MGAM2: variants seen among roughly 807,000 people sequenced by gnomAD.
MGAM2 encodes probable maltase-glucoamylase 2.
A neutral mutation model predicts 96.1 loss-of-function variants in MGAM2; 98 were observed. The observed-to-expected ratio is 1.02, with a 90% CI of 0.87 to 1.21. The LOEUF (loss-of-function observed/expected upper bound fraction) is 1.21. MGAM2 is among the 50% of genes most tolerant of loss of function. The pLI, the probability that MGAM2 is intolerant of heterozygous loss-of-function variation, is 0.00. For missense variants in MGAM2, 2,055 were observed against 1,182.4 expected (o/e 1.74, Z -10.82); for synonymous variants, 749 against 414.8 (o/e 1.81, Z -9.79).
At chr7:142,196,024 C>A in intron 37 of MGAM2, 130 bp from the exon 38 acceptor site, 1 of 653,688 alleles carries the variant, frequency 1.5e-6, no homozygotes. Flanking sequence ...TTTGAGACAG[C>A]AGATTCTTTC....
At chr7:142,121,313 G>A (rs1330465176) in intron 3 of MGAM2, among the ~76,000 whole-genome samples, 1 of 152,088 alleles carries the variant, frequency 6.6e-6, no homozygotes, top group East Asian at 1.9e-4. Flanking sequence ...GAGGAGCTGG[G>A]ATTACAGGCA....
At chr7:142,212,993 C>A (rs887647089) in intron 46 of MGAM2, among the ~76,000 whole-genome samples, 1 of 152,092 alleles carries the variant, frequency 6.6e-6, no homozygotes, top group African/African-American at 2.4e-5. Flanking sequence ...TCTCTCAGAC[C>A]GCAGTGCAAT....
At chr7:142,208,284 A>C (rs1052828431) in intron 45 of MGAM2, 6 of 546,350 alleles carry the variant, frequency 1.1e-5, no homozygotes, top group African/African-American at 1.9e-5. Flanking sequence ...CAGAATAACC[A>C]AACAGTAGTC....
chr7:142,150,518 C>CGGTA (rs1431001494), intron 15 of MGAM2, among the ~76,000 whole-genome samples: 2 of 152,122 alleles, frequency 1.3e-5, no homozygotes, highest in African/African-American at 4.8e-5. Context: ...GTAACCTACC[C>CGGTA]TCTACCCTTT....
chr7:142,114,152 AGG>A (rs1817276698), intron 1 of MGAM2, among the ~76,000 whole-genome samples: 1 of 122,110 alleles, frequency 8.2e-6, no homozygotes, highest in African/African-American at 3.7e-5. Flanking sequence ...GAAAGAAAGA[AGG>A]AAAGAAAGAA....
intron 3 of MGAM2, among the ~76,000 whole-genome samples, chr7:142,126,519 C>A (rs1458215270): frequency 6.6e-6 from 1 of 151,330 alleles, no homozygotes; most frequent in Admixed American, 6.6e-5. Context: ...TCTTAACTAT[C>A]TTTCACAATT....
intron 6 of MGAM2, among the ~76,000 whole-genome samples, chr7:142,132,710 T>G (rs553161854): frequency 4.5e-4 from 57 of 125,954 alleles, no homozygotes; most frequent in Middle Eastern, 0.012. Context: ...ATTAATATAA[T>G]TAATATTAAT....
At position 142,140,953 on chromosome 7, in the gene MGAM2, A is replaced by AC. The variant is rs1394984469; in HGVS notation, c.1218+22dup. On this transcript the variant is annotated intron_variant, in intron 11 of 47. Coordinates refer to ENST00000477922, the MANE Select transcript of MGAM2 (RefSeq NM_001293626.2). ...ATTATGGTATGTTCAAACACTTGTT[A>AC]CCTTATTTTTTCCTTTGTAGTGCAA... 1.4e-6 allele frequency: 1 copy of AC among 698,148 alleles called. No individual in the cohort carries two copies. The highest frequency in any genetic ancestry group is 1.8e-5 in the African/African-American group (1 of 56,920). 43.2% of individuals were successfully genotyped at this position (698,148 alleles called of 1,614,324 possible).
chr7:142,149,694 C>T (rs528348904), intron 15 of MGAM2, among the ~76,000 whole-genome samples: 1 of 152,012 alleles, frequency 6.6e-6, no homozygotes, highest in Non-Finnish European at 1.5e-5. Context: ...GCAGCTGCCA[C>T]CACGCCCGGC....
chr7:142,184,903 C>T (rs1036739863), intron 33 of MGAM2, among the ~76,000 whole-genome samples, 174 bp from the exon 34 acceptor site: 3 of 152,136 alleles, frequency 2.0e-5, no homozygotes, highest in African/African-American at 7.2e-5. Flanking sequence ...TCAAGAGACC[C>T]AGCCTACTTT....
At chr7:142,216,528 C>T (rs1797766643) in intron 46 of MGAM2, among the ~76,000 whole-genome samples, 1 of 152,118 alleles carries the variant, frequency 6.6e-6, no homozygotes, top group African/African-American at 2.4e-5. Flanking sequence ...CTATTATCAG[C>T]GGTTTCCTGG....
At chr7:142,208,856 A>T (rs964415099) in intron 46 of MGAM2, among the ~76,000 whole-genome samples, 5 of 152,214 alleles carry the variant, frequency 3.3e-5, no homozygotes, top group Admixed American at 6.5e-5. Context: ...AATGCTGGGG[A>T]AAAAATGGGG....
Position 142,157,897 on chromosome 7 carries a change from T to G in MGAM2, c.1924-40T>G, listed in dbSNP as rs565975438. 1.0e-3 allele frequency: 725 copies of G among 699,066 alleles called. 1 individual carries two copies. The highest frequency in any genetic ancestry group is 1.6e-3 in the Middle Eastern group (7 of 4,332). The allele number at this position is 699,066 out of a possible 1,614,324, so 43.3% of individuals were successfully genotyped here. A position where few individuals can be genotyped will look rare whatever the true frequency, so the allele number is the denominator to read the frequency against. ...TTGTAAGAGAACTTCTGAACTATGA[T>G]GGAAAGAAATATTCAGCCATTCCTT... On this transcript the variant is annotated intron_variant, in intron 17 of 47. Coordinates refer to ENST00000477922, the MANE Select transcript of MGAM2 (RefSeq NM_001293626.2).
In MGAM2 at chr7:142,131,558, G is replaced by T. The variant is rs1390591223; in HGVS notation, c.351G>T (p.Leu117=). The T allele has an allele frequency of 1.4e-5, 10 of 702,874 alleles. No individual in the cohort carries two copies. The Admixed American group carries it at 2.0e-4, about 14-fold the overall frequency. 43.5% of individuals were successfully genotyped at this position (702,874 alleles called of 1,614,324 possible). Residue 117 remains leucine (L), a synonymous_variant, in exon 5 of 48, where the codon CTG becomes CTT. Transcript: ENST00000477922. ...AQLKRLPSPS[L]FGNDVATTLF... Reference sequence around the variant, plus strand: ...TGAAAAGGTTGCCATCACCATCTCTGTTTGGAAATGATGTCGCCACCACCC... The same window carrying T: ...TGAAAAGGTTGCCATCACCATCTCTTTTTGGAAATGATGTCGCCACCACCC...
intron 45 of MGAM2, chr7:142,208,365 G>A (rs558577410): frequency 1.1e-5 from 7 of 652,352 alleles, no homozygotes; most frequent in African/African-American, 3.5e-5. Flanking sequence ...TGACCTCCCC[G>A]GCAAGGTACC....
rs1031618833 is a variant in MGAM2 at position 142,160,158 on chromosome 7, C to G, written c.2245C>G (p.Gln749Glu). ...ETGVAISWRK[Q>E]LVNMLLPGDK... ...GGGAGTGGCCATCTCATGGAGGAAA[C>G]AGTTGGTGAATATGCTTCTCCCAGG... Residue 749 changes from glutamine (Q) to glutamate (E), a missense_variant, in exon 21 of 48, where the codon CAG becomes GAG. Coordinates refer to ENST00000477922, the MANE Select transcript of MGAM2 (RefSeq NM_001293626.2). 2.8e-6 allele frequency: 2 copies of G among 702,428 alleles called. No homozygotes were observed. The highest frequency in any genetic ancestry group is 1.7e-5 in the African/African-American group (1 of 57,216). 43.5% of individuals were successfully genotyped at this position (702,428 alleles called of 1,614,324 possible). A position where few individuals can be genotyped will look rare whatever the true frequency, so the allele number is the denominator to read the frequency against.
chr7:142,142,612 C>T (rs998126744), intron 12 of MGAM2, among the ~76,000 whole-genome samples: 2 of 144,320 alleles, frequency 1.4e-5, no homozygotes, highest in African/African-American at 5.2e-5. Flanking sequence ...CTCACTGCAA[C>T]GATCTCAGCT....
At chr7:142,185,223 C>T in intron 34 of MGAM2, 84 bp downstream of exon 34, 1 of 669,922 alleles carries the variant, frequency 1.5e-6, no homozygotes. Flanking sequence ...AAGTAGCTAA[C>T]CCTTCAGTTA....
intron 37 of MGAM2, among the ~76,000 whole-genome samples, chr7:142,190,047 G>A (rs117415980): frequency 6.6e-5 from 10 of 151,804 alleles, no homozygotes; most frequent in Non-Finnish European, 1.3e-4. Flanking sequence ...TATTTTGCTT[G>A]CCTATCTACC....
Sources: gnomAD v4.1 joint callset for allele counts (sites outside exome capture counted in the v4.1 genomes callset) on GRCh38, gnomAD v4.1.1 for gene constraint, MANE v1.5 for transcripts, NCBI Gene and HGNC (gene_info 2026-07-23, HGNC 2026-07-21) for gene names.